Variants in ANO5 observed in about 807,000 individuals in gnomAD.
ANO5 encodes anoctamin-5.
In ANO5, 109 loss-of-function variants were observed where a neutral mutation model predicts 121.0. That is an observed-to-expected ratio of 0.90 (90% CI 0.77 to 1.06). The LOEUF (loss-of-function observed/expected upper bound fraction) is 1.06, where lower values mean the gene tolerates loss of function less well. Ranked by LOEUF, ANO5 falls within the 50% of genes least tolerant of loss-of-function variation. ANO5 has a pLI of 0.00. For missense variants in ANO5, 1,064 were observed against 1,078.5 expected (o/e 0.99, Z 0.19); for synonymous variants, 406 against 359.9 (o/e 1.13, Z -1.45).
rs910639603 is a variant in ANO5 at position 22,263,122 on chromosome 11, A to G, written c.1898+79A>G. On this transcript the variant is annotated intron_variant, in intron 17 of 21. Coordinates refer to ENST00000324559, the MANE Select transcript of ANO5 (RefSeq NM_213599.3). ...CTCTAGAAGAAGATGGAATTTTTTG[A>G]TTACCATGGTGCCTTTGTTAGAAAA... The G allele has an allele frequency of 1.7e-4, 201 of 1,215,162 alleles. 1 individual carries two copies. The highest frequency in any genetic ancestry group is 3.5e-5 in the Non-Finnish European group (29 of 826,412). The allele number at this position is 1,215,162 out of a possible 1,614,324, so 75.3% of individuals were successfully genotyped here. A position where few individuals can be genotyped will look rare whatever the true frequency, so the allele number is the denominator to read the frequency against.
intron 8 of ANO5, among the ~76,000 whole-genome samples, chr11:22,238,823 T>C (rs945379095): frequency 1.3e-5 from 2 of 152,148 alleles, no homozygotes; most frequent in Non-Finnish European, 2.9e-5. Context: ...ACATGTGCCA[T>C]GTTGGTGTGC....
chr11:22,257,336 C>A (rs532218477), intron 13 of ANO5, among the ~76,000 whole-genome samples: 3 of 152,178 alleles, frequency 2.0e-5, no homozygotes, highest in Non-Finnish European at 4.4e-5. Flanking sequence ...AAAATTATAA[C>A]ACCATTAAAC....
intron 17 of ANO5, among the ~76,000 whole-genome samples, chr11:22,263,617 A>T (rs532161481): frequency 1.3e-5 from 2 of 152,378 alleles, no homozygotes; most frequent in East Asian, 3.8e-4. Flanking sequence ...CTGACAGTTT[A>T]TCTCAAATAG....
At chr11:22,201,837 C>G (rs1590213159) in intron 1 of ANO5, among the ~76,000 whole-genome samples, 1 of 152,174 alleles carries the variant, frequency 6.6e-6, no homozygotes, top group East Asian at 1.9e-4. Context: ...CTTAAAGGGC[C>G]TACCTCTCAA....
intron 7 of ANO5, among the ~76,000 whole-genome samples, chr11:22,233,032 C>T (rs1293001335): frequency 6.6e-6 from 1 of 151,886 alleles, no homozygotes. Flanking sequence ...TTGACAGTAC[C>T]ATTTGCCACA....
chr11:22,203,893 T>TA (rs1413030932), intron 2 of ANO5, 43 bp downstream of exon 2: 52 of 1,309,098 alleles, frequency 4.0e-5, no homozygotes, highest in Admixed American at 1.1e-4. Flanking sequence ...TAAGTCAGAA[T>TA]AAAAAATCAA....
In ANO5 at chr11:22,255,384, G is replaced by T; in HGVS notation, c.1194G>T (p.Leu398Phe). The change falls in exon 13 of 22, where the codon TTG becomes TTT. Residue 398 changes from leucine to phenylalanine, a missense_variant. Transcript: ENST00000324559. The stretch of plus-strand genomic sequence containing the variant: ...ATTTACCTATAGTCACCTTATTTTT[G>T]GAGTTTTGGAAACAACGACAAGCCA... ...IFMGIWVTLF[L>F]EFWKQRQARL... 1 of 1,607,984 alleles carries T rather than the reference G, an allele frequency of 6.2e-7. No homozygotes were observed. Among genetic ancestry groups the T allele is most frequent in the Non-Finnish European group, 8.5e-7 (1 of 1,176,388 alleles).
chr11:22,270,241 T>G, intron 17 of ANO5, 71 bp from the exon 18 acceptor site: 1 of 1,575,974 alleles, frequency 6.3e-7, no homozygotes, highest in South Asian at 1.1e-5. Flanking sequence ...TTTCCAGATC[T>G]AACACTCTGA....
At chr11:22,226,445 T>A (rs1219639038) in intron 6 of ANO5, among the ~76,000 whole-genome samples, 5 of 152,164 alleles carry the variant, frequency 3.3e-5, no homozygotes, top group African/African-American at 1.2e-4. Context: ...AATTTTCTTT[T>A]TAAAGTCATT....
intron 4 of ANO5, 44 bp downstream of exon 4, chr11:22,218,331 G>T: frequency 2.5e-6 from 4 of 1,604,948 alleles, no homozygotes; most frequent in South Asian, 1.1e-5. Context: ...CTGAATGGCT[G>T]CAGTGGTAGC....
At chr11:22,273,259 TATA>T (rs1854696808) in intron 19 of ANO5, among the ~76,000 whole-genome samples, 1 of 152,176 alleles carries the variant, frequency 6.6e-6, no homozygotes, top group South Asian at 2.1e-4. Context: ...TAAGTAACAG[TATA>T]ATGTGTTTGA....
At chr11:22,216,347 TTTGATA>T (rs371830314) in intron 3 of ANO5, among the ~76,000 whole-genome samples, 76 of 152,036 alleles carry the variant, frequency 5.0e-4, no homozygotes, top group African/African-American at 1.7e-3. Flanking sequence ...TTCACCAACA[TTTGATA>T]TTGATATTGA....
intron 5 of ANO5, among the ~76,000 whole-genome samples, chr11:22,224,281 A>T (rs985045411): frequency 2.6e-5 from 4 of 152,016 alleles, no homozygotes; most frequent in African/African-American, 9.7e-5. Flanking sequence ...CAATCCCAGA[A>T]TTCATTTTTC....
At chr11:22,261,658 C>T (rs758061359) in intron 15 of ANO5, 8 of 173,308 alleles carry the variant, frequency 4.6e-5, no homozygotes, top group Non-Finnish European at 7.4e-5. Context: ...AGTGAGATTC[C>T]GTCTCAAAAA....
rs1473530704 is a variant in ANO5 at position 22,282,499 on chromosome 11, A to T, written c.*2734A>T. On this transcript the variant is annotated 3_prime_UTR_variant, in exon 22 of 22. Coordinates refer to ENST00000324559, the MANE Select transcript of ANO5 (RefSeq NM_213599.3). ...TATCAAAGAAGAGGAGAAGGAAAGG[A>T]GGACAGATGAAAGTGACGGGAAATG... 6.6e-6 allele frequency: 1 copy of T among 152,202 alleles called. No individual in the cohort carries two copies. The highest frequency in any genetic ancestry group is 1.5e-5 in the Non-Finnish European group (1 of 68,022). 9.4% of individuals were successfully genotyped at this position (152,202 alleles called of 1,614,324 possible). A position where few individuals can be genotyped will look rare whatever the true frequency, so the allele number is the denominator to read the frequency against.
intron 2 of ANO5, among the ~76,000 whole-genome samples, chr11:22,208,631 C>CAATTGG (rs1224427898): frequency 2.0e-5 from 3 of 151,914 alleles, no homozygotes; most frequent in African/African-American, 7.2e-5. Flanking sequence ...ATTGTACACA[C>CAATTGG]GTGACAAAAT....
chr11:22,209,469 A>C (rs1227535910), intron 2 of ANO5, among the ~76,000 whole-genome samples: 1 of 151,844 alleles, frequency 6.6e-6, no homozygotes, highest in Non-Finnish European at 1.5e-5. Context: ...GGTTTATATA[A>C]TTGAAGAAAA....
chr11:22,227,534 T>C lies in ANO5; in HGVS notation c.596T>C (p.Phe199Ser). Residue 199 changes from phenylalanine to serine, a missense_variant, in exon 7 of 22, where the codon TTC becomes TCC. Transcript: ENST00000324559. ...AQFSRHRQELFLIEDQATFFP... is the reference protein window; with the variant it reads ...AQFSRHRQELSLIEDQATFFP... ...TTCAGCAGACATCGGCAGGAGCTCT[T>C]CCTCATCGAAGATCAGGCAACCTTC... 1 of 1,613,562 alleles carries C rather than the reference T, an allele frequency of 6.2e-7. No homozygotes were observed. The highest frequency in any genetic ancestry group is 1.3e-5 in the African/African-American group (1 of 74,984).
At chr11:22,255,120 T>C (rs951239711) in intron 12 of ANO5, among the ~76,000 whole-genome samples, 4 of 152,174 alleles carry the variant, frequency 2.6e-5, no homozygotes, top group African/African-American at 4.8e-5. Flanking sequence ...TATTAATATG[T>C]CTGAAAAAAA....
Sources: gnomAD v4.1 joint callset for allele counts (sites outside exome capture counted in the v4.1 genomes callset) on GRCh38, gnomAD v4.1.1 for gene constraint, MANE v1.5 for transcripts, NCBI Gene and HGNC (gene_info 2026-07-23, HGNC 2026-07-21) for gene names.